GRHL2: variants seen among roughly 807,000 people sequenced by gnomAD.
GRHL2 encodes grainyhead like transcription factor 2, also known as grainyhead-like protein 2 homolog.
A neutral mutation model predicts 83.8 loss-of-function variants in GRHL2; 21 were observed. The observed-to-expected ratio is 0.25, with a 90% CI of 0.18 to 0.36. The LOEUF is 0.36. GRHL2 is among the 10% of genes least tolerant of loss of function. The pLI is 1.00. For synonymous variants in GRHL2, 280 were observed against 278.9 expected, an observed-to-expected ratio of 1.00 and a Z score of -0.04; for missense variants, 623 against 781.8, an observed-to-expected ratio of 0.80 and a Z score of 2.42.
At chr8:101,512,461 T>C (rs1015839398) in intron 1 of GRHL2, among the ~76,000 whole-genome samples, 1 of 152,222 alleles carries the variant, frequency 6.6e-6, no homozygotes, top group African/African-American at 2.4e-5. Flanking sequence ...GTATCTTTGC[T>C]TATTAAATAT....
chr8:101,605,987 T>G (rs1358389863), intron 8 of GRHL2, among the ~76,000 whole-genome samples: 9 of 152,220 alleles, frequency 5.9e-5, no homozygotes, highest in Admixed American at 2.0e-4. Context: ...ATATTTTTTC[T>G]GTTATGAATA....
chr8:101,526,525 C>CTTTTT (rs33928032), intron 1 of GRHL2, among the ~76,000 whole-genome samples: 11 of 109,650 alleles, frequency 1.0e-4, no homozygotes, highest in East Asian at 2.7e-4. Context: ...TCTTTTTTTC[C>CTTTTT]TTTTTTTTTT....
At chr8:101,517,217 G>A (rs1810590351) in intron 1 of GRHL2, among the ~76,000 whole-genome samples, 1 of 152,158 alleles carries the variant, frequency 6.6e-6, no homozygotes, top group Non-Finnish European at 1.5e-5. Context: ...AACTCTTATG[G>A]AACTTCATCC....
intron 7 of GRHL2, among the ~76,000 whole-genome samples, chr8:101,584,330 A>C (rs1812120107): frequency 1.3e-5 from 2 of 152,164 alleles, no homozygotes; most frequent in Non-Finnish European, 2.9e-5. Flanking sequence ...GCTCTGCTGA[A>C]AGTAGTTTTA....
intron 1 of GRHL2, chr8:101,542,797 AAAG>A (rs771394189): frequency 4.4e-6 from 2 of 456,742 alleles, no homozygotes; most frequent in South Asian, 3.1e-5. Context: ...ATGGAAGGGT[AAAG>A]AGAGAGTAAG....
At chr8:101,665,577 C>G (rs4734573) in intron 15 of GRHL2, among the ~76,000 whole-genome samples, 59,160 of 152,012 alleles carry the variant, frequency 0.39, 11,868 homozygotes, top group South Asian at 0.55. Context: ...AGTGAGATTT[C>G]AGTCGTGTCT....
At chr8:101,643,360 T>G (rs1813440481) in intron 12 of GRHL2, among the ~76,000 whole-genome samples, 1 of 128,068 alleles carries the variant, frequency 7.8e-6, no homozygotes, top group South Asian at 2.6e-4. Context: ...TCTTAGTTTC[T>G]GTTTCTCTCA....
intron 13 of GRHL2, among the ~76,000 whole-genome samples, chr8:101,644,437 T>C (rs943070047): frequency 3.3e-5 from 5 of 152,212 alleles, no homozygotes; most frequent in African/African-American, 1.2e-4. Flanking sequence ...TGCTGGTTCT[T>C]TCCTTTGCCT....
At chr8:101,557,244 A>G (rs1211432649) in intron 3 of GRHL2, among the ~76,000 whole-genome samples, 1 of 73,182 alleles carries the variant, frequency 1.4e-5, no homozygotes, top group African/African-American at 5.1e-5. Context: ...TTTTTTTTTG[A>G]GACAGAGTCT....
chr8:101,678,505 AG>A, the GRHL2 span, among the ~76,000 whole-genome samples: 1 of 151,390 alleles, frequency 6.6e-6, no homozygotes, highest in African/African-American at 2.4e-5. Context: ...GAGGCTGGGG[AG>A]GGGCGCCCGC....
In GRHL2 at chr8:101,664,525, A is replaced by G; in HGVS notation, c.1763+7A>G. ...ACAAGAAAAGCAAAAAAGGGTAAGAAAGAAACTGAACTTAAATTGACTTTC... is the reference window on the plus strand; with the variant it reads ...ACAAGAAAAGCAAAAAAGGGTAAGAGAGAAACTGAACTTAAATTGACTTTC... On this transcript the variant is annotated splice_region_variant and intron_variant, in intron 15 of 15. Coordinates refer to ENST00000646743, the MANE Select transcript of GRHL2 (RefSeq NM_024915.4). The G allele has an allele frequency of 1.9e-6, 3 of 1,597,276 alleles. No homozygotes were observed. Among genetic ancestry groups the G allele is most frequent in the Non-Finnish European group, 2.6e-6 (3 of 1,164,988 alleles).
At chr8:101,652,780 T>A (rs1813700081) in intron 14 of GRHL2, among the ~76,000 whole-genome samples, 1 of 152,092 alleles carries the variant, frequency 6.6e-6, no homozygotes, top group Non-Finnish European at 1.5e-5. Flanking sequence ...ACCTAGCTCG[T>A]GGGATTGTTG....
chr8:101,613,651 G>C (rs1053615121), intron 8 of GRHL2, among the ~76,000 whole-genome samples: 1 of 151,046 alleles, frequency 6.6e-6, no homozygotes, highest in East Asian at 1.9e-4. Flanking sequence ...GAAGAAGAAA[G>C]GTAAAATGTG....
chr8:101,503,529 C>T (rs991034345), intron 1 of GRHL2, among the ~76,000 whole-genome samples: 2 of 152,162 alleles, frequency 1.3e-5, no homozygotes, highest in Non-Finnish European at 2.9e-5. Context: ...TTATCATAAA[C>T]TTTCTGGAAG....
intron 1 of GRHL2, among the ~76,000 whole-genome samples, chr8:101,500,500 A>G (rs1810204837): frequency 6.6e-6 from 1 of 152,168 alleles, no homozygotes; most frequent in African/African-American, 2.4e-5. Context: ...ATAGGTAATA[A>G]CAAAAGTGTA....
the GRHL2 span, among the ~76,000 whole-genome samples, chr8:101,678,322 G>A: frequency 1.1e-4 from 17 of 152,146 alleles, no homozygotes; most frequent in Admixed American, 1.3e-4. Context: ...AAGGGGTGAC[G>A]GAAGAACCTG....
chr8:101,511,885 T>C (rs748518718), intron 1 of GRHL2, among the ~76,000 whole-genome samples: 5 of 152,214 alleles, frequency 3.3e-5, no homozygotes, highest in African/African-American at 9.6e-5. Context: ...CTTTACATAA[T>C]TGTTTTTCTA....
At chr8:101,549,250 A>T (rs146171886) in intron 2 of GRHL2, among the ~76,000 whole-genome samples, 351 of 152,202 alleles carry the variant, frequency 2.3e-3, no homozygotes, top group Non-Finnish European at 3.8e-3. Flanking sequence ...CAAGTGTGAG[A>T]AGCAAAAACA....
At chr8:101,563,565 C>T (rs1412387652) in intron 4 of GRHL2, among the ~76,000 whole-genome samples, 1 of 152,108 alleles carries the variant, frequency 6.6e-6, no homozygotes, top group African/African-American at 2.4e-5. Context: ...ATGATAAATT[C>T]CTTGTCCTTA....
Sources: gnomAD v4.1 joint callset for allele counts (sites outside exome capture counted in the v4.1 genomes callset) on GRCh38, gnomAD v4.1.1 for gene constraint, MANE v1.5 for transcripts, NCBI Gene and HGNC (gene_info 2026-07-23, HGNC 2026-07-21) for gene names.